Variants in HS3ST5 observed in about 807,000 individuals in gnomAD.
HS3ST5 encodes the protein heparan sulfate-glucosamine 3-sulfotransferase 5, also known as heparan sulfate glucosamine 3-O-sulfotransferase 5.
HS3ST5 carries 10 observed loss-of-function variants against 25.4 expected under a neutral mutation model. The ratio of observed to expected loss-of-function variants is 0.39; its 90% CI spans 0.24 to 0.67. The LOEUF (loss-of-function observed/expected upper bound fraction) is 0.67, where lower values mean the gene tolerates loss of function less well. Ranked by LOEUF, HS3ST5 falls within the 30% of genes least tolerant of loss-of-function variation. HS3ST5 has a pLI of 0.44. For missense variants in HS3ST5, 324 were observed against 420.7 expected, an observed-to-expected ratio of 0.77 and a Z score of 2.01; for synonymous variants, 170 against 162.4, an observed-to-expected ratio of 1.05 and a Z score of -0.36.
chr6:114,259,164 T>C (rs1773058734), intron 1 of HS3ST5, among the ~76,000 whole-genome samples: 1 of 152,218 alleles, frequency 6.6e-6, no homozygotes, highest in African/African-American at 2.4e-5. Flanking sequence ...AACTAGAGAC[T>C]ATTACATGTT....
At chr6:114,273,563 C>T (rs1483241808) in intron 1 of HS3ST5, among the ~76,000 whole-genome samples, 1 of 151,890 alleles carries the variant, frequency 6.6e-6, no homozygotes, top group East Asian at 1.9e-4. Context: ...AGGTTAGGGA[C>T]ATGAGGAGAA....
chr6:114,121,092 A>G (rs1464115683), intron 3 of HS3ST5, among the ~76,000 whole-genome samples: 1 of 152,260 alleles, frequency 6.6e-6, no homozygotes, highest in African/African-American at 2.4e-5. Flanking sequence ...AGGAAACAAA[A>G]AACTTTCAAA....
At chr6:114,067,409 C>G (rs905887876) in intron 3 of HS3ST5, among the ~76,000 whole-genome samples, 1 of 151,990 alleles carries the variant, frequency 6.6e-6, no homozygotes. Context: ...GAATGTGAAG[C>G]CTGCTGAAGA....
chr6:114,070,386 T>C (rs144596074), intron 3 of HS3ST5, among the ~76,000 whole-genome samples: 3 of 152,130 alleles, frequency 2.0e-5, no homozygotes, highest in Non-Finnish European at 4.4e-5. Context: ...TAATAAGTAA[T>C]GATAGTAGCA....
chr6:114,328,328 T>G (rs897579440), intron 1 of HS3ST5, among the ~76,000 whole-genome samples: 1 of 151,990 alleles, frequency 6.6e-6, no homozygotes, highest in Non-Finnish European at 1.5e-5. Context: ...TTACAGGGAT[T>G]AATTAATTTC....
At chr6:114,237,053 G>T (rs910164457) in intron 1 of HS3ST5, among the ~76,000 whole-genome samples, 2 of 152,110 alleles carry the variant, frequency 1.3e-5, no homozygotes, top group Non-Finnish European at 2.9e-5. Context: ...AATGATTTGC[G>T]ACATCTTCTT....
intron 3 of HS3ST5, among the ~76,000 whole-genome samples, chr6:114,083,210 G>A (rs1393337083): frequency 6.6e-6 from 1 of 152,260 alleles, no homozygotes; most frequent in Non-Finnish European, 1.5e-5. Context: ...TGAGGGAAAT[G>A]GAAAATTACA....
intron 2 of HS3ST5, among the ~76,000 whole-genome samples, chr6:114,220,998 A>T (rs931580653): frequency 2.0e-5 from 3 of 152,042 alleles, no homozygotes; most frequent in Admixed American, 2.0e-4. Context: ...ACAAAAAAAC[A>T]TACTAGGTTG....
intron 3 of HS3ST5, among the ~76,000 whole-genome samples, chr6:114,079,288 TGG>T (rs1192961443): frequency 6.6e-6 from 1 of 152,222 alleles, no homozygotes; most frequent in Admixed American, 6.5e-5. Flanking sequence ...ATTTCAAAAT[TGG>T]AGTGTGTCCT....
At chr6:114,297,896 A>C (rs1054810771) in intron 1 of HS3ST5, among the ~76,000 whole-genome samples, 3 of 152,240 alleles carry the variant, frequency 2.0e-5, no homozygotes, top group African/African-American at 7.2e-5. Context: ...ACATGCTTTT[A>C]GGAACTGCAA....
intron 1 of HS3ST5, among the ~76,000 whole-genome samples, chr6:114,271,852 CTA>C (rs1222681694): frequency 6.6e-6 from 1 of 152,062 alleles, no homozygotes; most frequent in Non-Finnish European, 1.5e-5. Flanking sequence ...ATTTTCCACT[CTA>C]TGATTGCCAC....
In HS3ST5 at chr6:114,091,669, C is replaced by A. The variant is rs150518684; in HGVS notation, c.-32-28792G>T. ...ACTGCACCCAGCCTGGGTGACAGAG[C>A]GAGACTCCATCTCAAAAAAAAAAAT... On this transcript the variant is annotated intron_variant, in intron 3 of 4. Coordinates refer to ENST00000312719, the MANE Select transcript of HS3ST5 (RefSeq NM_153612.4). Among the ~76,000 whole-genome samples the A allele has an allele frequency of 3.9e-3, 595 of 151,402 alleles. 5 individuals are homozygous for A. Among genetic ancestry groups the A allele is most frequent in the African/African-American group, 0.014 (579 of 41,256 alleles).
intron 3 of HS3ST5, chr6:114,112,544 T>C (rs1226507098): frequency 6.6e-6 from 1 of 152,194 alleles, no homozygotes; most frequent in East Asian, 1.9e-4. Context: ...ATAAAAGCAA[T>C]AGAAAACTAA....
At chr6:114,320,801 C>T (rs1375956640) in intron 1 of HS3ST5, among the ~76,000 whole-genome samples, 3 of 151,656 alleles carry the variant, frequency 2.0e-5, no homozygotes, top group African/African-American at 4.8e-5. Context: ...AACAGAAAAC[C>T]ATGAAATATT....
intron 3 of HS3ST5, among the ~76,000 whole-genome samples, chr6:114,083,255 C>T (rs1441779580): frequency 6.6e-6 from 1 of 152,098 alleles, no homozygotes; most frequent in African/African-American, 2.4e-5. Context: ...GTAATCAGGC[C>T]ATCTGGTTTA....
chr6:114,337,124 G>C lies in HS3ST5; in HGVS notation c.-339+5071C>G, dbSNP rs529778205. 1.2e-4 allele frequency among the ~76,000 whole-genome samples: 18 copies of C among 152,232 alleles called. No homozygotes were observed. The East Asian group carries it at 3.5e-3, about 29-fold the overall frequency. The stretch of plus-strand genomic sequence containing the variant: ...TCTCAGGCCATTCCATCTCATAAAA[G>C]TTATTATTCCACAAGGTTTCATAGA... On this transcript the variant is annotated intron_variant, in intron 1 of 4. Coordinates refer to ENST00000312719, the MANE Select transcript of HS3ST5 (RefSeq NM_153612.4).
intron 3 of HS3ST5, among the ~76,000 whole-genome samples, chr6:114,065,626 C>G (rs1447304844): frequency 6.6e-6 from 1 of 152,194 alleles, no homozygotes; most frequent in Non-Finnish European, 1.5e-5. Context: ...GGTTTATTAG[C>G]TTGCCAGACT....
At chr6:114,067,774 ATATTTT>A (rs1773545006) in intron 3 of HS3ST5, among the ~76,000 whole-genome samples, 1 of 152,228 alleles carries the variant, frequency 6.6e-6, no homozygotes, top group Non-Finnish European at 1.5e-5. Flanking sequence ...AGAAAAACTA[ATATTTT>A]TATTGAAGAT....
rs189279616 is a variant in HS3ST5, at chr6:114,079,198, T to C, written c.-32-16321A>G. Among the ~76,000 whole-genome samples the C allele has an allele frequency of 1.2e-3, 177 of 152,302 alleles. 1 individual carries two copies. Among genetic ancestry groups the C allele is most frequent in the Non-Finnish European group, 1.1e-3 (77 of 68,012 alleles). On this transcript the variant is annotated intron_variant, in intron 3 of 4. Transcript: ENST00000312719. ...ATTAAGACAACAGTGATTTGCCACA[T>C]TGATTGACTCTTCTTTTTATGAAAG...
Sources: gnomAD v4.1 joint callset for allele counts (sites outside exome capture counted in the v4.1 genomes callset) on GRCh38, gnomAD v4.1.1 for gene constraint, MANE v1.5 for transcripts, NCBI Gene and HGNC (gene_info 2026-07-23, HGNC 2026-07-21) for gene names.